The following ANKIB1 variants were observed in gnomAD, a reference collection of about 807,000 sequenced individuals.
ANKIB1 encodes the protein ankyrin repeat and IBR domain containing 1.
A neutral mutation model predicts 122.1 loss-of-function variants in ANKIB1; 43 were observed. The ratio of observed to expected loss-of-function variants is 0.35; its 90% CI spans 0.28 to 0.45. The LOEUF is 0.45. ANKIB1 is among the 20% of genes least tolerant of loss of function. The pLI, the probability that ANKIB1 is intolerant of heterozygous loss-of-function variation, is 1.00. For synonymous variants in ANKIB1, 390 were observed against 442.0 expected (o/e 0.88, Z 1.48); for missense variants, 992 against 1,329.5 (o/e 0.75, Z 3.95).
intron 1 of ANKIB1, among the ~76,000 whole-genome samples, chr7:92,277,899 C>G (rs775753248): frequency 1.7e-4 from 26 of 152,146 alleles, no homozygotes; most frequent in Non-Finnish European, 3.5e-4. Flanking sequence ...ACCTGGCCAA[C>G]ATGGTAAAAC....
intron 3 of ANKIB1, among the ~76,000 whole-genome samples, chr7:92,309,942 A>AAAAAAAAAAAAAAAT (rs1335765681): frequency 3.3e-5 from 3 of 91,818 alleles, no homozygotes; most frequent in Non-Finnish European, 6.1e-5. Context: ...AAAAAAAAAA[A>AAAAAAAAAAAAAAAT]ATATATATAT....
At chr7:92,348,388 T>G (rs1258677210) in intron 7 of ANKIB1, among the ~76,000 whole-genome samples, 1 of 149,200 alleles carries the variant, frequency 6.7e-6, no homozygotes, top group African/African-American at 2.5e-5. Context: ...TTTAAGACTT[T>G]TTTTTTTTTT....
At chr7:92,268,869 G>A (rs1407329755) in intron 1 of ANKIB1, among the ~76,000 whole-genome samples, 1 of 152,110 alleles carries the variant, frequency 6.6e-6, no homozygotes, top group Admixed American at 6.6e-5. Flanking sequence ...TGTACCTTAC[G>A]TTAAATTTTT....
intron 1 of ANKIB1, among the ~76,000 whole-genome samples, chr7:92,272,127 T>C (rs1801809549): frequency 6.6e-6 from 1 of 152,194 alleles, no homozygotes; most frequent in Non-Finnish European, 1.5e-5. Context: ...GTGCATATAC[T>C]TAATGCCACT....
intron 2 of ANKIB1, among the ~76,000 whole-genome samples, chr7:92,297,234 G>T (rs987915808): frequency 2.6e-5 from 4 of 152,166 alleles, no homozygotes; most frequent in Admixed American, 2.6e-4. Flanking sequence ...CCAGCTAGAC[G>T]ACTGTAAGCT....
chr7:92,285,017 A>C (rs1802089047), intron 1 of ANKIB1, among the ~76,000 whole-genome samples: 1 of 152,072 alleles, frequency 6.6e-6, no homozygotes, highest in African/African-American at 2.4e-5. Flanking sequence ...GAATGTTTGG[A>C]GGTTTTATGA....
At chr7:92,353,139 A>G (rs1803700705) in intron 9 of ANKIB1, among the ~76,000 whole-genome samples, 1 of 152,188 alleles carries the variant, frequency 6.6e-6, no homozygotes, top group African/African-American at 2.4e-5. Flanking sequence ...ACAAAATTTT[A>G]TCTTGGGCCC....
At chr7:92,398,000 A>G in intron 19 of ANKIB1, 141 bp downstream of exon 19, 1 of 1,261,752 alleles carries the variant, frequency 7.9e-7, no homozygotes, top group Non-Finnish European at 1.1e-6. Context: ...GCAGGAAAAG[A>G]TATTCCTATA....
At chr7:92,257,950 G>A (rs1801483683) in intron 1 of ANKIB1, among the ~76,000 whole-genome samples, 1 of 152,106 alleles carries the variant, frequency 6.6e-6, no homozygotes, top group African/African-American at 2.4e-5. Context: ...TTTGCCATGT[G>A]GTGACATTTT....
At chr7:92,319,648 C>T in intron 4 of ANKIB1, 136 bp downstream of exon 4, 1 of 899,432 alleles carries the variant, frequency 1.1e-6, no homozygotes. Flanking sequence ...ATCTTCATAG[C>T]CATAAAGTAT....
intron 4 of ANKIB1, among the ~76,000 whole-genome samples, chr7:92,322,047 T>C (rs1261392388): frequency 6.6e-6 from 1 of 152,200 alleles, no homozygotes; most frequent in Non-Finnish European, 1.5e-5. Flanking sequence ...TTGATTCTTC[T>C]GACTTCAGGT....
Position 92,342,922 on chromosome 7 carries a change from G to T in ANKIB1, c.788-102G>T. 4 of 1,071,300 alleles carry T rather than the reference G, an allele frequency of 3.7e-6. No individual in the cohort carries two copies. In the Admixed American group the frequency reaches 6.1e-5, roughly 16 times the overall value. The allele number at this position is 1,071,300 out of a possible 1,614,324, so 66.4% of individuals were successfully genotyped here. ...CTACTTTTATATACTTTTTTCTTTAGATGACCAAAATTTGTAATTCTCATA... is the reference window on the plus strand; with the variant it reads ...CTACTTTTATATACTTTTTTCTTTATATGACCAAAATTTGTAATTCTCATA... On this transcript the variant is annotated intron_variant, in intron 5 of 19. Transcript: ENST00000265742.
chr7:92,371,980 T>C (rs1804271367), intron 11 of ANKIB1, among the ~76,000 whole-genome samples: 2 of 148,622 alleles, frequency 1.3e-5, no homozygotes, highest in Admixed American at 6.7e-5. Context: ...TGTGTGTGTG[T>C]GTGTGTGTGT....
intron 11 of ANKIB1, among the ~76,000 whole-genome samples, chr7:92,376,995 TTCA>T (rs1804396084): frequency 6.6e-6 from 1 of 152,204 alleles, no homozygotes; most frequent in Admixed American, 6.5e-5. Flanking sequence ...TTTCTTATCA[TTCA>T]TGTGTTCACT....
At chr7:92,271,178 A>G (rs2131892223) in intron 1 of ANKIB1, among the ~76,000 whole-genome samples, 1 of 151,664 alleles carries the variant, frequency 6.6e-6, no homozygotes. Flanking sequence ...TTTTTTCCCC[A>G]TGTGGATGTC....
In ANKIB1 at chr7:92,398,422, C is replaced by A. The variant is rs1437244576; in HGVS notation, c.2743C>A (p.Leu915Ile). 1 of 1,613,628 alleles carries A rather than the reference C, an allele frequency of 6.2e-7. No individual in the cohort carries two copies. Among genetic ancestry groups the A allele is most frequent in the Non-Finnish European group, 8.5e-7 (1 of 1,179,796 alleles). Residue 915 changes from leucine (L) to isoleucine (I), a missense_variant, in exon 20 of 20, where the codon CTT (leucine) becomes ATT (isoleucine). This residue lies in a region of ANKIB1 where 384 missense variants were observed against 412.0 expected (regional missense o/e 0.93). Transcript: ENST00000265742. ...SPRAALSSSE[L>I]LELGDSLMRL... ...TCGGGCTGCATTGAGCAGCTCTGAG[C>A]TTTTGGAACTTGGTGACAGCCTCAT...
intron 15 of ANKIB1, 69 bp downstream of exon 15, chr7:92,390,185 A>G: frequency 8.4e-7 from 1 of 1,191,106 alleles, no homozygotes; most frequent in Non-Finnish European, 1.1e-6. Flanking sequence ...CATTTTTGAA[A>G]CCACTTGTTT....
At chr7:92,385,809 A>C (rs1387409100) in intron 11 of ANKIB1, among the ~76,000 whole-genome samples, 1 of 152,200 alleles carries the variant, frequency 6.6e-6, no homozygotes, top group Non-Finnish European at 1.5e-5. Flanking sequence ...GCAGCAAACC[A>C]ACACGGGACA....
At chr7:92,282,880 T>A (rs1434782839) in intron 1 of ANKIB1, among the ~76,000 whole-genome samples, 1 of 152,176 alleles carries the variant, frequency 6.6e-6, no homozygotes, top group Non-Finnish European at 1.5e-5. Flanking sequence ...AATAAAAAAG[T>A]AAGAGTCATG....
Sources: allele counts gnomAD v4.1 joint callset (sites outside exome capture counted in the v4.1 genomes callset), GRCh38; gene constraint gnomAD v4.1.1; regional missense constraint gnomAD v4.1.1; transcripts MANE v1.5; gene names NCBI Gene and HGNC (gene_info 2026-07-23, HGNC 2026-07-21).